MDFIC2: variants seen among roughly 807,000 people sequenced by gnomAD.
MDFIC2 encodes the protein myoD family inhibitor domain-containing protein 2.
At chr3:70,307,421 T>C (rs905040810) in intron 2 of MDFIC2, among the ~76,000 whole-genome samples, 1 of 152,130 alleles carries the variant, frequency 6.6e-6, no homozygotes, top group Non-Finnish European at 1.5e-5. Context: ...TCAAATGGTG[T>C]AAGCTACAGG....
intron 2 of MDFIC2, among the ~76,000 whole-genome samples, chr3:70,240,149 C>A (rs552244846): frequency 6.6e-6 from 1 of 151,882 alleles, no homozygotes; most frequent in Non-Finnish European, 1.5e-5. Context: ...AAATAAGAGA[C>A]GTATTTTAAA....
intron 2 of MDFIC2, among the ~76,000 whole-genome samples, chr3:70,229,354 T>C (rs988734936): frequency 3.3e-5 from 5 of 152,198 alleles, no homozygotes; most frequent in South Asian, 2.1e-4. Flanking sequence ...CATATGCTGG[T>C]ATATCCGATC....
intron 2 of MDFIC2, among the ~76,000 whole-genome samples, chr3:70,263,950 C>A (rs1250569132): frequency 6.6e-6 from 1 of 152,100 alleles, no homozygotes; most frequent in Non-Finnish European, 1.5e-5. Flanking sequence ...ATTTCTAGTT[C>A]TTTAGGTGTC....
intron 2 of MDFIC2, among the ~76,000 whole-genome samples, chr3:70,244,238 A>T (rs563292890): frequency 1.3e-5 from 2 of 152,310 alleles, no homozygotes; most frequent in Admixed American, 1.3e-4. Context: ...TCCAGTAAGG[A>T]ACTAATGTTT....
At chr3:70,266,257 A>T (rs1419535199) in intron 2 of MDFIC2, among the ~76,000 whole-genome samples, 2 of 152,078 alleles carry the variant, frequency 1.3e-5, no homozygotes, top group Non-Finnish European at 1.5e-5. Context: ...GTGACCTATT[A>T]TGACTTATAT....
At chr3:70,211,082 G>A (rs560960744) in intron 2 of MDFIC2, among the ~76,000 whole-genome samples, 16 of 151,976 alleles carry the variant, frequency 1.1e-4, no homozygotes, top group Non-Finnish European at 2.1e-4. Flanking sequence ...TCTCTCATTT[G>A]ACTCTTCATA....
intron 3 of MDFIC2, among the ~76,000 whole-genome samples, chr3:70,199,343 C>T (rs1701212194): frequency 6.6e-6 from 1 of 151,998 alleles, no homozygotes; most frequent in Non-Finnish European, 1.5e-5. Flanking sequence ...CTGGAGGTCT[C>T]CTCTTCTAAT....
At chr3:70,237,277 AG>A (rs1343168861) in intron 2 of MDFIC2, among the ~76,000 whole-genome samples, 1 of 152,230 alleles carries the variant, frequency 6.6e-6, no homozygotes, top group Non-Finnish European at 1.5e-5. Context: ...CATATTCTCC[AG>A]TGCGGATACA....
At chr3:70,309,077 G>T (rs1367580980) in intron 2 of MDFIC2, among the ~76,000 whole-genome samples, 1 of 152,102 alleles carries the variant, frequency 6.6e-6, no homozygotes, top group Non-Finnish European at 1.5e-5. Flanking sequence ...TTTTAAGGGG[G>T]AGTGAGGGAG....
At chr3:70,211,163 C>T (rs944714760) in intron 2 of MDFIC2, among the ~76,000 whole-genome samples, 1 of 151,858 alleles carries the variant, frequency 6.6e-6, no homozygotes, top group African/African-American at 2.4e-5. Context: ...CTTTCTTTTC[C>T]CATTTTCCTT....
chr3:70,308,898 G>T (rs937498687), intron 2 of MDFIC2, among the ~76,000 whole-genome samples: 12 of 152,148 alleles, frequency 7.9e-5, no homozygotes, highest in African/African-American at 2.9e-4. Context: ...TGAAGTGCTT[G>T]TTCCAAGCCG....
rs111792704 is a variant in MDFIC2, at chr3:70,274,056, C to CGTGTGTGTGTGT, written c.88+37818_88+37829dup. Among the ~76,000 whole-genome samples, 553 of 142,930 alleles carry CGTGTGTGTGTGT rather than the reference C, an allele frequency of 3.9e-3. 5 individuals carry two copies. The highest frequency in any genetic ancestry group is 0.025 in the East Asian group (118 of 4,732). The allele number at this position is 142,930 out of a possible 152,430, so 93.8% of individuals were successfully genotyped here. ...AAATAAAAGTAAGAAATTAAACCTCCGTGTGTGTGTGTGTGTGTGTGTGTG... is the reference window on the plus strand; with the variant it reads ...AAATAAAAGTAAGAAATTAAACCTCCGTGTGTGTGTGTGTGTGTGTGTGTGTGTGTGTGTGTG... On this transcript the variant is annotated intron_variant, in intron 2 of 3. Transcript: ENST00000567252.
At chr3:70,233,314 G>T (rs1342143133) in intron 2 of MDFIC2, among the ~76,000 whole-genome samples, 1 of 152,116 alleles carries the variant, frequency 6.6e-6, no homozygotes, top group Non-Finnish European at 1.5e-5. Flanking sequence ...AGATAGGAGT[G>T]CAGCAAGATG....
intron 2 of MDFIC2, among the ~76,000 whole-genome samples, chr3:70,207,624 C>T (rs1701305028): frequency 6.6e-6 from 1 of 151,406 alleles, no homozygotes; most frequent in African/African-American, 2.4e-5. Context: ...TGAAAATATT[C>T]AGAAAAAGCT....
chr3:70,199,383 A>T (rs1228985470), intron 3 of MDFIC2, among the ~76,000 whole-genome samples: 1 of 152,160 alleles, frequency 6.6e-6, no homozygotes, highest in Non-Finnish European at 1.5e-5. Flanking sequence ...TACAAAAGAA[A>T]AAAAAAAGTT....
intron 2 of MDFIC2, among the ~76,000 whole-genome samples, chr3:70,290,105 A>T (rs1428099783): frequency 6.6e-6 from 1 of 152,126 alleles, no homozygotes; most frequent in Non-Finnish European, 1.5e-5. Context: ...GCTGGTGAGG[A>T]GCTGCGTTCC....
At chr3:70,202,836 A>G (rs1457641808) in intron 3 of MDFIC2, among the ~76,000 whole-genome samples, 1 of 152,096 alleles carries the variant, frequency 6.6e-6, no homozygotes, top group Non-Finnish European at 1.5e-5. Context: ...GGGACTGGCT[A>G]ATTAGGAGGG....
chr3:70,218,558 G>A (rs976712336), intron 2 of MDFIC2, among the ~76,000 whole-genome samples: 1 of 152,068 alleles, frequency 6.6e-6, no homozygotes, highest in African/African-American at 2.4e-5. Flanking sequence ...CACAGCAGCT[G>A]CAGTAGTGGC....
At chr3:70,275,538 C>A (rs1285192442) in intron 2 of MDFIC2, among the ~76,000 whole-genome samples, 1 of 151,878 alleles carries the variant, frequency 6.6e-6, no homozygotes, top group African/African-American at 2.4e-5. Flanking sequence ...CAAAACAAAT[C>A]AAATCAAAAA....
Sources: gnomAD v4.1 joint callset for allele counts (sites outside exome capture counted in the v4.1 genomes callset) on GRCh38, gnomAD v4.1.1 for gene constraint, MANE v1.5 for transcripts, NCBI Gene and HGNC (gene_info 2026-07-23, HGNC 2026-07-21) for gene names.